PTPRD: variants seen among roughly 807,000 people sequenced by gnomAD.
The protein encoded by PTPRD is receptor-type tyrosine-protein phosphatase delta.
A neutral mutation model predicts 214.5 loss-of-function variants in PTPRD; 34 were observed. The ratio of observed to expected loss-of-function variants is 0.16; its 90% CI spans 0.12 to 0.21. PTPRD has a LOEUF of 0.21. Ranked by LOEUF, PTPRD falls within the 10% of genes least tolerant of loss-of-function variation. The probability of loss-of-function intolerance (pLI) is 1.00; values close to 1 mark genes in which losing one functional copy is unlikely to be tolerated. For missense variants in PTPRD, 2,545 were observed against 2,398.7 expected, an observed-to-expected ratio of 1.06 and a Z score of -1.27; for synonymous variants, 1,128 against 845.7, an observed-to-expected ratio of 1.33 and a Z score of -5.79.
intron 8 of PTPRD, among the ~76,000 whole-genome samples, chr9:9,530,218 G>A (rs912402863): frequency 2.0e-5 from 3 of 151,978 alleles, no homozygotes; most frequent in Non-Finnish European, 2.9e-5. Flanking sequence ...ACACAAAGTT[G>A]GTCTCTGAAA....
At chr9:9,731,462 GT>G (rs33989713) in intron 7 of PTPRD, among the ~76,000 whole-genome samples, 89,684 of 151,418 alleles carry the variant, frequency 0.59, 29,004 homozygotes, top group African/African-American at 0.84. Context: ...GAAATTTAAG[GT>G]TTTTTTTTAA....
At chr9:9,539,376 T>C (rs904477031) in intron 8 of PTPRD, among the ~76,000 whole-genome samples, 1 of 151,812 alleles carries the variant, frequency 6.6e-6, no homozygotes, top group Non-Finnish European at 1.5e-5. Flanking sequence ...CGTGATAATA[T>C]GGGAGGCTTC....
chr9:10,159,984 C>A (rs2099117741), intron 3 of PTPRD, among the ~76,000 whole-genome samples: 1 of 151,936 alleles, frequency 6.6e-6, no homozygotes, highest in Non-Finnish European at 1.5e-5. Context: ...TAAAACTTGG[C>A]AAAATGACAA....
chr9:9,809,863 G>T (rs1040915988), intron 5 of PTPRD, among the ~76,000 whole-genome samples: 3 of 152,140 alleles, frequency 2.0e-5, no homozygotes, highest in Non-Finnish European at 4.4e-5. Flanking sequence ...AAAACATTCA[G>T]GAGGTTGGAA....
intron 5 of PTPRD, among the ~76,000 whole-genome samples, chr9:9,861,350 G>A (rs1014565291): frequency 6.6e-6 from 1 of 152,006 alleles, no homozygotes; most frequent in Non-Finnish European, 1.5e-5. Context: ...GAGTGCATTG[G>A]CGCCATCTCG....
At chr9:10,178,856 G>T (rs977801856) in intron 3 of PTPRD, among the ~76,000 whole-genome samples, 1 of 151,816 alleles carries the variant, frequency 6.6e-6, no homozygotes, top group East Asian at 1.9e-4. Context: ...GCACACTGGG[G>T]GATAAAATGT....
At chr9:8,320,458 C>G (rs1284127832) in intron 44 of PTPRD, among the ~76,000 whole-genome samples, 1 of 152,034 alleles carries the variant, frequency 6.6e-6, no homozygotes, top group Non-Finnish European at 1.5e-5. Flanking sequence ...TTGCCTATAA[C>G]TAGTCAAATG....
At chr9:8,354,767 T>C (rs956258948) in intron 39 of PTPRD, among the ~76,000 whole-genome samples, 26 of 152,088 alleles carry the variant, frequency 1.7e-4, no homozygotes, top group Admixed American at 1.6e-3. Flanking sequence ...CCAATGGGAG[T>C]TTTACTATGA....
chr9:8,594,036 A>C (rs1037497089), intron 14 of PTPRD, among the ~76,000 whole-genome samples: 1 of 152,194 alleles, frequency 6.6e-6, no homozygotes, highest in African/African-American at 2.4e-5. Flanking sequence ...CTAGATCCCA[A>C]GTTAACTTCC....
intron 3 of PTPRD, among the ~76,000 whole-genome samples, chr9:10,147,751 G>T (rs1352190184): frequency 6.6e-6 from 1 of 152,054 alleles, no homozygotes; most frequent in Admixed American, 6.6e-5. Flanking sequence ...ATTGCGGCAG[G>T]CTCCTGTAAT....
intron 8 of PTPRD, among the ~76,000 whole-genome samples, chr9:9,403,448 C>T (rs918331791): frequency 1.6e-5 from 2 of 128,430 alleles, no homozygotes; most frequent in African/African-American, 3.0e-5. Flanking sequence ...GGAAGCAAAT[C>T]ATATCCGAAG....
intron 3 of PTPRD, among the ~76,000 whole-genome samples, chr9:10,060,803 CCTTT>C (rs796867777): frequency 0.078 from 8,099 of 103,180 alleles, 641 homozygotes; most frequent in Middle Eastern, 0.12. Flanking sequence ...TTTCTTTCTT[CCTTT>C]CTTTCTTTCT....
intron 8 of PTPRD, among the ~76,000 whole-genome samples, chr9:9,569,212 A>C (rs1282168825): frequency 6.6e-6 from 1 of 151,704 alleles, no homozygotes; most frequent in Non-Finnish European, 1.5e-5. Context: ...TCATTTGCGA[A>C]TGTTATAAGT....
At chr9:10,511,880 A>G (rs942933080) in intron 2 of PTPRD, among the ~76,000 whole-genome samples, 18 of 129,486 alleles carry the variant, frequency 1.4e-4, no homozygotes, top group African/African-American at 2.8e-4. Flanking sequence ...GTGTGTGTGT[A>G]TATACACACA....
At chr9:8,764,638 T>C (rs2094594314) in intron 11 of PTPRD, among the ~76,000 whole-genome samples, 1 of 151,684 alleles carries the variant, frequency 6.6e-6, no homozygotes, top group South Asian at 2.1e-4. Flanking sequence ...TCTACTAAAA[T>C]ACGAAAATTA....
At position 10,207,515 on chromosome 9, in the gene PTPRD, T is replaced by C. The variant is rs2099489446; in HGVS notation, c.-545+133448A>G. Reference sequence around the variant, plus strand: ...TTTTGTGTAGAACTGGTATTAATTCTTTCTAAAATATATAATGCACTAATA... The same window carrying C: ...TTTTGTGTAGAACTGGTATTAATTCCTTCTAAAATATATAATGCACTAATA... On this transcript the variant is annotated intron_variant, in intron 3 of 45. Coordinates refer to ENST00000381196, the MANE Select transcript of PTPRD (RefSeq NM_002839.4). Among the ~76,000 whole-genome samples, 3 of 152,010 alleles carry C rather than the reference T, an allele frequency of 2.0e-5. No homozygotes were observed. The South Asian group carries it at 6.2e-4, about 31-fold the overall frequency.
intron 5 of PTPRD, among the ~76,000 whole-genome samples, chr9:9,885,634 G>C (rs1450199575): frequency 6.6e-6 from 1 of 152,004 alleles, no homozygotes; most frequent in Non-Finnish European, 1.5e-5. Context: ...TAGTTTTAGA[G>C]AATGAAATGT....
intron 25 of PTPRD, among the ~76,000 whole-genome samples, chr9:8,498,664 C>G (rs906343902): frequency 2.0e-5 from 3 of 152,178 alleles, no homozygotes; most frequent in Non-Finnish European, 2.9e-5. Context: ...CCATCCTTTT[C>G]CCTGCCAAGT....
chr9:8,685,359 G>GA (rs35189571), intron 12 of PTPRD, among the ~76,000 whole-genome samples: 27 of 151,124 alleles, frequency 1.8e-4, no homozygotes, highest in African/African-American at 4.9e-4. Context: ...GAATTTTGGG[G>GA]AAAAAAAAAT....
Sources: gnomAD v4.1 joint callset for allele counts (sites outside exome capture counted in the v4.1 genomes callset) on GRCh38, gnomAD v4.1.1 for gene constraint, MANE v1.5 for transcripts, NCBI Gene and HGNC (gene_info 2026-07-23, HGNC 2026-07-21) for gene names.